The following CRLF3 variants were observed in gnomAD, a reference collection of about 807,000 sequenced individuals.
CRLF3 encodes cytokine receptor-like factor 3.
In CRLF3, 33 loss-of-function variants were observed where a neutral mutation model predicts 55.0. The ratio of observed to expected loss-of-function variants is 0.60; its 90% CI spans 0.46 to 0.80. CRLF3 has a LOEUF of 0.80. Among genes scored for constraint, CRLF3 ranks in the 30% least tolerant of loss-of-function variants. CRLF3 has a pLI of 0.00. For synonymous variants in CRLF3, 238 were observed against 196.8 expected (o/e 1.21, Z -1.75); for missense variants, 494 against 538.4 (o/e 0.92, Z 0.82).
In CRLF3 at chr17:30,784,326, C is replaced by T; in HGVS notation, c.1190G>A (p.Gly397Asp). The T allele has an allele frequency of 6.2e-7, 1 of 1,614,108 alleles. No individual in the cohort carries two copies. Among genetic ancestry groups the T allele is most frequent in the Non-Finnish European group, 8.5e-7 (1 of 1,179,980 alleles). The change falls in exon 8 of 8, where the codon GGT becomes GAT. Residue 397 changes from glycine to aspartate, a missense_variant. Coordinates refer to ENST00000324238, the MANE Select transcript of CRLF3 (RefSeq NM_015986.4). ...AGTTACTCGAAGCTTGAAGTGTCCA[C>T]CTTCATTATTACTGGTGGTTCCTAG... ...VTLGTTSNNE[G>D]GHFKLRVTIS...
intron 1 of CRLF3, among the ~76,000 whole-genome samples, chr17:30,804,975 G>A (rs1474950667): frequency 1.3e-5 from 2 of 152,214 alleles, no homozygotes; most frequent in East Asian, 3.9e-4. Flanking sequence ...TTGAAGTCAG[G>A]AGTTCAAGAC....
In CRLF3 at chr17:30,782,809, G is replaced by C. The variant is rs1971523352; in HGVS notation, c.*1378C>G. 2 of 151,988 alleles carry C rather than the reference G, an allele frequency of 1.3e-5. No individual in the cohort carries two copies. The highest frequency in any genetic ancestry group is 1.3e-4 in the Admixed American group (2 of 15,262). 9.4% of individuals were successfully genotyped at this position (151,988 alleles called of 1,614,324 possible). On this transcript the variant is annotated 3_prime_UTR_variant, in exon 8 of 8. Transcript: ENST00000324238. ...ATATATAAAAAGACAAGTAGAAAAGGTCATGATTGTCTAACAGGGAACATG... is the reference window on the plus strand; with the variant it reads ...ATATATAAAAAGACAAGTAGAAAAGCTCATGATTGTCTAACAGGGAACATG...
chr17:30,784,306 C>A lies in CRLF3; in HGVS notation c.1210G>T (p.Val404Leu). The A allele has an allele frequency of 6.2e-7, 1 of 1,614,172 alleles. No homozygotes were observed. The change falls in exon 8 of 8, where the codon GTA becomes TTA. Residue 404 changes from valine to leucine, a missense_variant. By Grantham distance (32) the Val-to-Leu change is conservative. Coordinates refer to ENST00000324238, the MANE Select transcript of CRLF3 (RefSeq NM_015986.4). ...NNEGGHFKLR[V>L]TISSNNREVV... is the part of the protein sequence containing the mutation. ...TCTCTATTATTTGAACTTATAGTTA[C>A]TCGAAGCTTGAAGTGTCCACCTTCA...
chr17:30,790,263 AC>A (rs138923521), intron 6 of CRLF3, among the ~76,000 whole-genome samples: 1,574 of 152,246 alleles, frequency 0.01, 30 homozygotes, highest in African/African-American at 0.037. Context: ...AAGACTTAAA[AC>A]TTAGAGGAGA....
chr17:30,804,010 G>A lies in CRLF3; in HGVS notation c.228C>T (p.Thr76=), dbSNP rs1392201122. 6.2e-7 allele frequency: 1 copy of A among 1,613,018 alleles called. No individual in the cohort carries two copies. Among genetic ancestry groups the A allele is most frequent in the African/African-American group, 1.3e-5 (1 of 74,962 alleles). The change falls in exon 2 of 8, where the codon ACC becomes ACT. Residue 76 remains threonine, a synonymous_variant. Coordinates refer to ENST00000324238, the MANE Select transcript of CRLF3 (RefSeq NM_015986.4). ...CAATGGTGTCCACCTCTTGCAAAAGGGTCACCAATCGCTCATCCAGGAGCT... is the reference window on the plus strand; with the variant it reads ...CAATGGTGTCCACCTCTTGCAAAAGAGTCACCAATCGCTCATCCAGGAGCT... The part of the protein sequence containing the change: ...LGKLLDERLV[T]LLQEVDTIEQ...
intron 1 of CRLF3, among the ~76,000 whole-genome samples, chr17:30,816,446 A>G (rs1904808003): frequency 6.7e-6 from 1 of 150,178 alleles, no homozygotes; most frequent in South Asian, 2.1e-4. Context: ...CCATAACATT[A>G]TATTACTATA....
At chr17:30,796,891 AT>A (rs1674668534) in intron 3 of CRLF3, among the ~76,000 whole-genome samples, 1 of 151,610 alleles carries the variant, frequency 6.6e-6, no homozygotes, top group Non-Finnish European at 1.5e-5. Context: ...TGCCCGGATA[AT>A]TTTTTATTTT....
chr17:30,789,051 A>C (rs1971721385), intron 6 of CRLF3, among the ~76,000 whole-genome samples: 1 of 152,134 alleles, frequency 6.6e-6, no homozygotes, highest in African/African-American at 2.4e-5. Context: ...CCTTGCATTC[A>C]CATCTCTGGC....
chr17:30,784,241 A>C lies in CRLF3; in HGVS notation c.1275T>G (p.Ser425=). 1.2e-6 allele frequency: 2 copies of C among 1,614,000 alleles called. No homozygotes were observed. Among genetic ancestry groups the C allele is most frequent in the Non-Finnish European group, 1.7e-6 (2 of 1,179,858 alleles). The change falls in exon 8 of 8, where the codon TCT becomes TCG. Residue 425 remains serine (S), a synonymous_variant. Transcript: ENST00000324238. Reference sequence around the variant, plus strand: ...AGAAAAATGAGCATCCAAAGTAAAGAGAACCACAAGACTGATCAAGTAACC... The same window carrying C: ...AGAAAAATGAGCATCCAAAGTAAAGCGAACCACAAGACTGATCAAGTAACC... ...FDWLLDQSCG[S]LYFGCSFFYP...
intron 2 of CRLF3, among the ~76,000 whole-genome samples, chr17:30,799,461 G>T (rs1971971396): frequency 6.6e-6 from 1 of 152,024 alleles, no homozygotes; most frequent in African/African-American, 2.4e-5. Flanking sequence ...GGGGCTCAGG[G>T]GATCCTCCCG....
At chr17:30,796,489 G>A (rs1045585820) in intron 3 of CRLF3, 152 bp from the exon 4 acceptor site, 2 of 566,920 alleles carry the variant, frequency 3.5e-6, no homozygotes, top group Non-Finnish European at 6.0e-6. Flanking sequence ...GTTACACAAA[G>A]ATTCTCTTTT....
At position 30,785,996 on chromosome 17, in the gene CRLF3, C is replaced by T. The variant is rs1330507920; in HGVS notation, c.995G>A (p.Ser332Asn). The change falls in exon 7 of 8, where the codon AGC becomes AAC. Residue 332 changes from serine to asparagine, a missense_variant. Physicochemically the swap from Ser to Asn is conservative, Grantham distance 46. Coordinates refer to ENST00000324238, the MANE Select transcript of CRLF3 (RefSeq NM_015986.4). ...CTGTTTTTCTGCACACACTCCTATG[C>T]TATCTCTTCTGTCTGGCTGTCCCAC... The part of the protein sequence containing the change: ...ETVGQPDRRD[S>N]IGVCAEKQDG... 4 of 1,612,526 alleles carry T rather than the reference C, an allele frequency of 2.5e-6. No individual in the cohort carries two copies. The highest frequency in any genetic ancestry group is 2.5e-6 in the Non-Finnish European group (3 of 1,178,668).
intron 6 of CRLF3, among the ~76,000 whole-genome samples, chr17:30,788,514 C>T (rs1413349679): frequency 6.6e-6 from 1 of 150,830 alleles, no homozygotes; most frequent in East Asian, 1.9e-4. Context: ...CAGCCAGTAT[C>T]ACAGGTTTCT....
At chr17:30,799,862 C>T (rs1325537182) in intron 2 of CRLF3, among the ~76,000 whole-genome samples, 1 of 152,154 alleles carries the variant, frequency 6.6e-6, no homozygotes. Flanking sequence ...TGAGTGTACA[C>T]TCCTGGCCCG....
chr17:30,803,354 C>A (rs1210151727), intron 2 of CRLF3, among the ~76,000 whole-genome samples: 1 of 152,140 alleles, frequency 6.6e-6, no homozygotes, highest in Non-Finnish European at 1.5e-5. Context: ...AACACTTCAA[C>A]TGCACTTGCC....
chr17:30,818,000 G>A (rs898639198), intron 1 of CRLF3, among the ~76,000 whole-genome samples: 4 of 151,386 alleles, frequency 2.6e-5, no homozygotes, highest in African/African-American at 9.7e-5. Context: ...GGTGGCTCAT[G>A]CCTGTAATCC....
chr17:30,790,077 T>TAGAC (rs929717452), intron 6 of CRLF3, among the ~76,000 whole-genome samples: 1 of 152,172 alleles, frequency 6.6e-6, no homozygotes, highest in Non-Finnish European at 1.5e-5. Flanking sequence ...TGTCAAAAAT[T>TAGAC]AGACAAAACA....
At chr17:30,793,355 T>C (rs1971854140) in intron 5 of CRLF3, 95 bp downstream of exon 5, 3 of 867,076 alleles carry the variant, frequency 3.5e-6, no homozygotes, top group Non-Finnish European at 5.6e-6. Context: ...GATCTATGCT[T>C]AGAATAGCTG....
intron 1 of CRLF3, among the ~76,000 whole-genome samples, chr17:30,819,901 G>C (rs7223940): frequency 0.043 from 6,532 of 152,268 alleles, 367 homozygotes; most frequent in African/African-American, 0.13. Flanking sequence ...CTATTTCCTT[G>C]AACACAGAAT....
Sources: gnomAD v4.1 joint callset for allele counts (sites outside exome capture counted in the v4.1 genomes callset) on GRCh38, gnomAD v4.1.1 for gene constraint, MANE v1.5 for transcripts, NCBI Gene and HGNC (gene_info 2026-07-23, HGNC 2026-07-21) for gene names.